Variants in RALYL observed in about 807,000 individuals in gnomAD.
The protein encoded by RALYL is RALY RNA binding protein like.
In RALYL, 29 loss-of-function variants were observed where a neutral mutation model predicts 35.1. The observed-to-expected ratio is 0.83, with a 90% CI of 0.61 to 1.13. RALYL has a LOEUF of 1.13. Ranked by LOEUF, RALYL falls within the 50% of genes most tolerant of loss-of-function variation. RALYL has a pLI of 0.00. For synonymous variants in RALYL, 120 were observed against 127.6 expected (o/e 0.94, Z 0.40); for missense variants, 359 against 360.4 (o/e 1.00, Z 0.03).
intron 1 of RALYL, among the ~76,000 whole-genome samples, chr8:84,279,948 A>G (rs1165612297): frequency 2.0e-5 from 3 of 152,162 alleles, no homozygotes; most frequent in Non-Finnish European, 4.4e-5. Context: ...GAGGATGTGG[A>G]TATCTTAGTT....
At chr8:84,471,769 A>G (rs903786319) in intron 1 of RALYL, among the ~76,000 whole-genome samples, 2 of 152,208 alleles carry the variant, frequency 1.3e-5, no homozygotes, top group African/African-American at 4.8e-5. Context: ...CATGTTCTGC[A>G]TCTGTAAAAT....
chr8:84,686,476 T>G (rs993424120), intron 2 of RALYL, among the ~76,000 whole-genome samples: 8 of 152,078 alleles, frequency 5.3e-5, no homozygotes, highest in Admixed American at 1.3e-4. Flanking sequence ...GCAATCTCAG[T>G]TCACTGCAAC....
chr8:84,784,700 G>A (rs1035654453), intron 3 of RALYL, among the ~76,000 whole-genome samples: 2 of 152,086 alleles, frequency 1.3e-5, no homozygotes, highest in African/African-American at 4.8e-5. Context: ...ACTGTTTGGT[G>A]TCTTTGTGAG....
intron 2 of RALYL, among the ~76,000 whole-genome samples, chr8:84,533,829 A>G (rs563593914): frequency 1.3e-5 from 2 of 152,346 alleles, no homozygotes; most frequent in South Asian, 4.1e-4. Flanking sequence ...TGAAGGAAGT[A>G]ATGGAATTGT....
intron 1 of RALYL, among the ~76,000 whole-genome samples, chr8:84,275,776 A>G (rs1311091659): frequency 6.6e-6 from 1 of 152,116 alleles, no homozygotes; most frequent in Non-Finnish European, 1.5e-5. Flanking sequence ...TATTTCTTTT[A>G]CAAGGATAGC....
intron 1 of RALYL, among the ~76,000 whole-genome samples, chr8:84,469,092 G>A (rs1219598764): frequency 1.3e-5 from 2 of 152,064 alleles, no homozygotes; most frequent in African/African-American, 2.4e-5. Context: ...CGGTTTGAAT[G>A]TCCTTCCGTA....
At chr8:84,800,492 A>C (rs1450847656) in intron 3 of RALYL, among the ~76,000 whole-genome samples, 1 of 152,154 alleles carries the variant, frequency 6.6e-6, no homozygotes, top group Non-Finnish European at 1.5e-5. Flanking sequence ...ATTGACCTTC[A>C]TTCTGTGTTC....
At chr8:84,647,289 T>C (rs1231632487) in intron 2 of RALYL, among the ~76,000 whole-genome samples, 1 of 152,012 alleles carries the variant, frequency 6.6e-6, no homozygotes, top group East Asian at 1.9e-4. Flanking sequence ...GGTCTTGAGG[T>C]GTAAGCATCT....
At chr8:84,565,131 GTATTAAATTATATCCCA>G (rs1212772893) in intron 2 of RALYL, among the ~76,000 whole-genome samples, 1 of 151,538 alleles carries the variant, frequency 6.6e-6, no homozygotes, top group East Asian at 1.9e-4. Flanking sequence ...GAATGGAACA[GTATTAAATTATATCCCA>G]AAGAATCTCT....
intron 1 of RALYL, among the ~76,000 whole-genome samples, chr8:84,365,663 T>C (rs770683723): frequency 2.0e-5 from 3 of 152,144 alleles, no homozygotes; most frequent in Admixed American, 6.6e-5. Flanking sequence ...GTTTTAAGGT[T>C]TGGTGAATCT....
chr8:84,476,914 C>T (rs2053487929), intron 1 of RALYL, among the ~76,000 whole-genome samples: 1 of 152,160 alleles, frequency 6.6e-6, no homozygotes, highest in East Asian at 1.9e-4. Flanking sequence ...CATAGCAAAA[C>T]AGACTCTGTT....
At chr8:84,484,518 C>A (rs910668935) in intron 1 of RALYL, among the ~76,000 whole-genome samples, 1 of 151,986 alleles carries the variant, frequency 6.6e-6, no homozygotes, top group Non-Finnish European at 1.5e-5. Flanking sequence ...TGTGAAATGT[C>A]AGGGTGTGTG....
At chr8:84,918,938 G>A (rs1848895404) in intron 8 of RALYL, among the ~76,000 whole-genome samples, 1 of 151,898 alleles carries the variant, frequency 6.6e-6, no homozygotes, top group African/African-American at 2.4e-5. Flanking sequence ...CAACTAAGAA[G>A]CAAAGGAAGG....
intron 1 of RALYL, among the ~76,000 whole-genome samples, chr8:84,446,115 T>C (rs2048823530): frequency 6.6e-6 from 1 of 152,042 alleles, no homozygotes; most frequent in African/African-American, 2.4e-5. Flanking sequence ...ATTTACTTTA[T>C]ATTCTACGTG....
intron 1 of RALYL, among the ~76,000 whole-genome samples, chr8:84,488,748 A>G (rs941342016): frequency 3.9e-5 from 6 of 152,042 alleles, no homozygotes; most frequent in Non-Finnish European, 7.4e-5. Flanking sequence ...GAACATTTTC[A>G]AAGTAATACT....
chr8:84,650,522 A>G lies in RALYL; in HGVS notation c.256+120945A>G, dbSNP rs559660074. ...AAATGCAAATAAAAACCACAATGAG[A>G]TACCATCTCACACCAGTTAGAATGG... is the stretch of plus-strand genomic sequence containing the variant. On this transcript the variant is annotated intron_variant, in intron 2 of 8. Coordinates refer to ENST00000521268, the MANE Select transcript of RALYL (RefSeq NM_173848.7). Among the ~76,000 whole-genome samples the G allele has an allele frequency of 1.7e-3, 256 of 152,234 alleles. 1 individual carries two copies. Among genetic ancestry groups the G allele is most frequent in the Non-Finnish European group, 2.6e-3 (180 of 68,018 alleles).
chr8:84,513,717 G>A (rs2057811255), intron 1 of RALYL, among the ~76,000 whole-genome samples: 1 of 151,872 alleles, frequency 6.6e-6, no homozygotes, highest in Admixed American at 6.6e-5. Flanking sequence ...ATAATAGGTA[G>A]GTAACATTGA....
At chr8:84,350,589 A>G (rs1380853121) in intron 1 of RALYL, among the ~76,000 whole-genome samples, 1 of 150,200 alleles carries the variant, frequency 6.7e-6, no homozygotes, top group Non-Finnish European at 1.5e-5. Flanking sequence ...CCATGCATGT[A>G]TTACCTCAGA....
chr8:84,500,258 C>T (rs187652514), intron 1 of RALYL, among the ~76,000 whole-genome samples: 4 of 152,112 alleles, frequency 2.6e-5, no homozygotes, highest in East Asian at 3.9e-4. Flanking sequence ...CTTTTTCTGG[C>T]CTTTTACTTC....
Sources: gnomAD v4.1 joint callset for allele counts (sites outside exome capture counted in the v4.1 genomes callset) on GRCh38, gnomAD v4.1.1 for gene constraint, MANE v1.5 for transcripts, NCBI Gene and HGNC (gene_info 2026-07-23, HGNC 2026-07-21) for gene names.